The following ZNF557 variants were observed in gnomAD, a reference collection of about 807,000 sequenced individuals.
ZNF557 encodes the protein CTB-25J19.9.
A neutral mutation model predicts 21.2 loss-of-function variants in ZNF557; 19 were observed. The observed-to-expected ratio is 0.90, with a 90% CI of 0.63 to 1.32. The LOEUF (loss-of-function observed/expected upper bound fraction) is 1.32, where lower values mean the gene tolerates loss of function less well. ZNF557 is among the 40% of genes most tolerant of loss of function. ZNF557 has a pLI of 0.00. For synonymous variants in ZNF557, 207 were observed against 194.8 expected, an observed-to-expected ratio of 1.06 and a Z score of -0.52; for missense variants, 487 against 519.8, an observed-to-expected ratio of 0.94 and a Z score of 0.61.
chr19:7,074,629 A>G (rs13344928), intron 2 of ZNF557, among the ~76,000 whole-genome samples: 25,523 of 148,548 alleles, frequency 0.17, 2,296 homozygotes, highest in African/African-American at 0.23. Flanking sequence ...GAGAGTGGGG[A>G]GTGGGGAGGA....
intron 5 of ZNF557, 100 bp downstream of exon 5, chr19:7,076,607 T>A: frequency 6.7e-7 from 1 of 1,492,118 alleles, no homozygotes; most frequent in Non-Finnish European, 9.0e-7. Flanking sequence ...AAAGTCACCA[T>A]TTAAACTATT....
In ZNF557 at chr19:7,082,973, T is replaced by C; in HGVS notation, c.522T>C (p.His174=). 3 of 1,614,194 alleles carry C rather than the reference T, an allele frequency of 1.9e-6. No individual in the cohort carries two copies. The South Asian group carries it at 3.3e-5, about 18-fold the overall frequency. The part of the protein sequence containing the change: ...KSSLTRHRKI[H]TGERPYGCSE... The stretch of plus-strand genomic sequence containing the variant: ...CCCTTACACGGCACAGGAAGATTCA[T>C]ACTGGAGAAAGACCCTATGGCTGCA... The change falls in exon 8 of 8, where the codon CAT becomes CAC. Residue 174 remains histidine, a synonymous_variant. Coordinates refer to ENST00000252840, the MANE Select transcript of ZNF557 (RefSeq NM_024341.3).
chr19:7,070,839 C>T (rs1048914919), intron 2 of ZNF557, among the ~76,000 whole-genome samples, 186 bp downstream of exon 2: 4 of 150,978 alleles, frequency 2.6e-5, no homozygotes, highest in Non-Finnish European at 5.9e-5. Flanking sequence ...GATCTCAGCT[C>T]ATTGCAACAT....
At chr19:7,077,389 G>C (rs764844888) in intron 5 of ZNF557, among the ~76,000 whole-genome samples, 3 of 152,040 alleles carry the variant, frequency 2.0e-5, no homozygotes, top group Non-Finnish European at 4.4e-5. Context: ...ACCCACCTCA[G>C]CCTCCCAAAT....
rs753998208 is a variant in ZNF557 at position 7,083,679 on chromosome 19, G to A, written c.1228G>A (p.Gly410Arg). The change falls in exon 8 of 8, where the codon GGG becomes AGG. Residue 410 changes from glycine (G) to arginine (R), a missense_variant. Transcript: ENST00000252840. ...GKKPYECNYC[G>R]KSFTSNSYLS... ...AAAACCCTATGAATGTAATTATTGC[G>A]GGAAATCCTTCACAAGTAACTCCTA... is the stretch of plus-strand genomic sequence containing the variant. The A allele has an allele frequency of 2.2e-5, 36 of 1,613,848 alleles. No homozygotes were observed. The highest frequency in any genetic ancestry group is 8.8e-5 in the South Asian group (8 of 91,058).
At chr19:7,079,814 C>T (rs1015416005) in intron 5 of ZNF557, among the ~76,000 whole-genome samples, 4 of 152,022 alleles carry the variant, frequency 2.6e-5, no homozygotes, top group Admixed American at 1.3e-4. Context: ...AAAAGATGAC[C>T]AGTCTTTGCC....
intron 5 of ZNF557, 88 bp downstream of exon 5, chr19:7,076,595 C>T: frequency 6.5e-7 from 1 of 1,527,936 alleles, no homozygotes; most frequent in East Asian, 2.3e-5. Context: ...ACACAGGACA[C>T]AAAAGTCACC....
rs1977782356 is a variant in ZNF557 at position 7,084,095 on chromosome 19, CCT to C, written c.*355_*356del. On this transcript the variant is annotated 3_prime_UTR_variant, in exon 8 of 8. Transcript: ENST00000252840. Reference sequence around the variant, plus strand: ...GAGCTGCGCTTCCAAATCACGTAGGCCTCTCAACAGGGCTGAGTTTCTTTATG... The same window carrying C: ...GAGCTGCGCTTCCAAATCACGTAGGCCTCAACAGGGCTGAGTTTCTTTATG... The C allele has an allele frequency of 5.0e-5, 11 of 218,982 alleles. No individual in the cohort carries two copies. In the South Asian group the frequency reaches 5.6e-4, roughly 11 times the overall value. The allele number at this position is 218,982 out of a possible 1,614,324, so 13.6% of individuals were successfully genotyped here. A position where few individuals can be genotyped will look rare whatever the true frequency, so the allele number is the denominator to read the frequency against.
At position 7,075,711 on chromosome 19, in the gene ZNF557, C is replaced by T; in HGVS notation, c.88C>T (p.Leu30=). The change falls in exon 4 of 8, where the codon CTG becomes TTG. Residue 30 remains leucine, a synonymous_variant. Transcript: ENST00000252840. ...AGAAGGACACACAGAGGGCGGAGAG[C>T]TGGTTAATGAGCTCCTGAAAAGCTG... ...QREGHTEGGE[L]VNELLKSWLK... 1.2e-6 allele frequency: 2 copies of T among 1,613,634 alleles called. No individual in the cohort carries two copies. Among genetic ancestry groups the T allele is most frequent in the Non-Finnish European group, 1.7e-6 (2 of 1,179,662 alleles).
At position 7,086,081 on chromosome 19, in the gene ZNF557, A is replaced by G. The variant is rs1366697089; in HGVS notation, c.*2337A>G. The G allele has an allele frequency of 6.6e-6, 1 of 151,718 alleles. No homozygotes were observed. Among genetic ancestry groups the G allele is most frequent in the Non-Finnish European group, 1.5e-5 (1 of 67,954 alleles). 9.4% of individuals were successfully genotyped at this position (151,718 alleles called of 1,614,324 possible). A position where few individuals can be genotyped will look rare whatever the true frequency, so the allele number is the denominator to read the frequency against. Reference sequence around the variant, plus strand: ...CCCGCTTCTACTAAAAAATACAAAAATTAGCCGGGTGTGGTGGCAGGCATC... The same window carrying G: ...CCCGCTTCTACTAAAAAATACAAAAGTTAGCCGGGTGTGGTGGCAGGCATC... On this transcript the variant is annotated 3_prime_UTR_variant, in exon 8 of 8. Coordinates refer to ENST00000252840, the MANE Select transcript of ZNF557 (RefSeq NM_024341.3).
In ZNF557 at chr19:7,087,294, A is replaced by G. The variant is rs898802469; in HGVS notation, c.*3550A>G. 1.0e-4 allele frequency: 14 copies of G among 134,504 alleles called. No individual in the cohort carries two copies. Among genetic ancestry groups the G allele is most frequent in the African/African-American group, 4.0e-4 (14 of 35,152 alleles). The allele number at this position is 134,504 out of a possible 1,614,324, so 8.3% of individuals were successfully genotyped here. Reference sequence around the variant, plus strand: ...GGTGGCTCACGCCTGTAATCCCACCACTTTGGGAGGCCAAGGCAGGCGGAT... The same window carrying G: ...GGTGGCTCACGCCTGTAATCCCACCGCTTTGGGAGGCCAAGGCAGGCGGAT... On this transcript the variant is annotated 3_prime_UTR_variant, in exon 8 of 8. Coordinates refer to ENST00000252840, the MANE Select transcript of ZNF557 (RefSeq NM_024341.3).
intron 4 of ZNF557, 41 bp downstream of exon 4, chr19:7,075,784 G>C: frequency 6.2e-7 from 1 of 1,605,090 alleles, no homozygotes; most frequent in Non-Finnish European, 8.5e-7. Flanking sequence ...GATTCCTTCA[G>C]CCAGAAGGTT....
At position 7,084,847 on chromosome 19, in the gene ZNF557, A is replaced by G. The variant is rs954763725; in HGVS notation, c.*1103A>G. 1 of 152,188 alleles carries G rather than the reference A, an allele frequency of 6.6e-6. No homozygotes were observed. The highest frequency in any genetic ancestry group is 2.4e-5 in the African/African-American group (1 of 41,448). The allele number at this position is 152,188 out of a possible 1,614,324, so 9.4% of individuals were successfully genotyped here. On this transcript the variant is annotated 3_prime_UTR_variant, in exon 8 of 8. Transcript: ENST00000252840. ...TAGGAAAGCCTTCAGTGATGGCTTC[A>G]GGGAGTCACATGACAACTCACAATA...
intron 1 of ZNF557, among the ~76,000 whole-genome samples, 164 bp downstream of exon 1, chr19:7,069,937 T>A (rs1977426878): frequency 6.6e-6 from 1 of 152,212 alleles, no homozygotes; most frequent in Admixed American, 6.5e-5. Flanking sequence ...TCTGTCGTCC[T>A]CACCCTGTCG....
At chr19:7,074,199 G>T (rs1341501363) in intron 2 of ZNF557, among the ~76,000 whole-genome samples, 1 of 151,524 alleles carries the variant, frequency 6.6e-6, no homozygotes, top group Non-Finnish European at 1.5e-5. Flanking sequence ...GTAGAGATGG[G>T]GTTTCACCAT....
chr19:7,078,108 T>C (rs1286770720), intron 5 of ZNF557, among the ~76,000 whole-genome samples: 1 of 152,234 alleles, frequency 6.6e-6, no homozygotes, highest in Non-Finnish European at 1.5e-5. Flanking sequence ...ATTGCCTTTT[T>C]ACTATCTTGA....
intron 2 of ZNF557, among the ~76,000 whole-genome samples, chr19:7,073,033 T>C (rs2145162925): frequency 6.6e-6 from 1 of 152,274 alleles, no homozygotes; most frequent in East Asian, 1.9e-4. Context: ...GGGGCTCACC[T>C]GTGCAGAGTT....
In ZNF557 at chr19:7,082,888, A is replaced by G; in HGVS notation, c.437A>G (p.His146Arg). Residue 146 changes from histidine to arginine, a missense_variant, in exon 8 of 8, where the codon CAT (histidine) becomes CGT (arginine). Coordinates refer to ENST00000252840, the MANE Select transcript of ZNF557 (RefSeq NM_024341.3). Reference sequence around the variant, plus strand: ...TCTCTTAATCAATAGGAGAGGAATCATCTTGGAGCAACACTCAACGAATGT... The same window carrying G: ...TCTCTTAATCAATAGGAGAGGAATCGTCTTGGAGCAACACTCAACGAATGT... ...QSRNMKMERN[H>R]LGATLNECNQ... 2 of 1,576,054 alleles carry G rather than the reference A, an allele frequency of 1.3e-6. No individual in the cohort carries two copies. Among genetic ancestry groups the G allele is most frequent in the South Asian group, 2.3e-5 (2 of 85,546 alleles).
In ZNF557 at chr19:7,083,854, C is replaced by A. The variant is rs914319781; in HGVS notation, c.*110C>A. On this transcript the variant is annotated 3_prime_UTR_variant, in exon 8 of 8. Transcript: ENST00000252840. ...TGCTACTGTGTAACAAATTACCCCCCAAAATTTTGTGGCTTCAAACAAAAA... is the reference window on the plus strand; with the variant it reads ...TGCTACTGTGTAACAAATTACCCCCAAAAATTTTGTGGCTTCAAACAAAAA... The A allele has an allele frequency of 4.9e-6, 7 of 1,423,230 alleles. No individual in the cohort carries two copies. Among genetic ancestry groups the A allele is most frequent in the African/African-American group, 2.9e-5 (2 of 69,448 alleles). 88.2% of individuals were successfully genotyped at this position (1,423,230 alleles called of 1,614,324 possible). A position where few individuals can be genotyped will look rare whatever the true frequency, so the allele number is the denominator to read the frequency against.
Sources: allele counts gnomAD v4.1 joint callset (sites outside exome capture counted in the v4.1 genomes callset), GRCh38; gene constraint gnomAD v4.1.1; transcripts MANE v1.5; gene names NCBI Gene and HGNC (gene_info 2026-07-23, HGNC 2026-07-21).